Variants in SLC44A5 observed in about 807,000 individuals in gnomAD.
SLC44A5 encodes solute carrier family 44 member 5.
Under a neutral mutation model 101.8 loss-of-function variants are expected in SLC44A5, and 57 were observed. That is an observed-to-expected ratio of 0.56 (90% CI 0.45 to 0.70). SLC44A5 has a LOEUF of 0.70. SLC44A5 is among the 30% of genes least tolerant of loss of function. The pLI is 0.00. For missense variants in SLC44A5, 737 were observed against 853.1 expected (o/e 0.86, Z 1.70); for synonymous variants, 281 against 290.9 (o/e 0.97, Z 0.35).
chr1:75,248,463 G>A (rs1409988892), intron 7 of SLC44A5, among the ~76,000 whole-genome samples: 4 of 152,102 alleles, frequency 2.6e-5, no homozygotes, highest in African/African-American at 9.7e-5. Flanking sequence ...AGGGAAGGCA[G>A]AATGAGTATA....
intron 5 of SLC44A5, among the ~76,000 whole-genome samples, chr1:75,281,636 G>GCCCCC (rs71081324): frequency 3.2e-4 from 16 of 49,474 alleles, no homozygotes; most frequent in Non-Finnish European, 5.3e-4. Flanking sequence ...CTGGTGCCAG[G>GCCCCC]CCCCCCCCCC....
chr1:75,613,998 AT>A (rs1329401636), upstream of SLC44A5, among the ~76,000 whole-genome samples: 4 of 152,036 alleles, frequency 2.6e-5, no homozygotes, highest in Non-Finnish European at 5.9e-5. Flanking sequence ...AAACTGTAAA[AT>A]TTTTTCCACT....
intron 2 of SLC44A5, among the ~76,000 whole-genome samples, chr1:75,414,282 TATACATACATACATAC>T (rs10567313): frequency 6.2e-4 from 92 of 148,640 alleles, no homozygotes; most frequent in African/African-American, 2.2e-3. Context: ...TATACACATA[TATACATACATACATAC>T]ATACATACAT....
In SLC44A5 at chr1:75,478,047, G is replaced by A. The variant is rs986370001; in HGVS notation, c.13+63388C>T. Among the ~76,000 whole-genome samples, 5 of 152,134 alleles carry A rather than the reference G, an allele frequency of 3.3e-5. No homozygotes were observed. The South Asian group carries it at 6.2e-4, about 19-fold the overall frequency. On this transcript the variant is annotated intron_variant, in intron 2 of 23. Coordinates refer to ENST00000370859, the MANE Select transcript of SLC44A5 (RefSeq NM_001130058.2). ...AAGGGAAGCCCATCAGACTAACAGC[G>A]GATCTCCCGGCAGAAACTCTACAAG...
chr1:75,520,097 GCTGT>G (rs1670037439), intron 2 of SLC44A5, among the ~76,000 whole-genome samples: 2 of 152,328 alleles, frequency 1.3e-5, no homozygotes, highest in Admixed American at 1.3e-4. Flanking sequence ...TTAAGCAAAG[GCTGT>G]CTTTGTTTTT....
chr1:75,641,281 TAAGA>T, the SLC44A5 span: 8 of 603,470 alleles, frequency 1.3e-5, no homozygotes, highest in Non-Finnish European at 2.4e-5. Flanking sequence ...ACACTTTTGT[TAAGA>T]AAGAGTCCAT....
At chr1:75,580,275 T>TA (rs1205584769) in intron 1 of SLC44A5, among the ~76,000 whole-genome samples, 1 of 152,120 alleles carries the variant, frequency 6.6e-6, no homozygotes, top group Non-Finnish European at 1.5e-5. Flanking sequence ...TTGTAGGATT[T>TA]ACGAACTTAG....
chr1:75,662,317 G>T, the SLC44A5 span, among the ~76,000 whole-genome samples: 1 of 152,090 alleles, frequency 6.6e-6, no homozygotes, highest in Non-Finnish European at 1.5e-5. Flanking sequence ...CACAGAGGCA[G>T]TGAATAGAAT....
chr1:75,654,139 A>T, the SLC44A5 span, among the ~76,000 whole-genome samples: 1 of 152,172 alleles, frequency 6.6e-6, no homozygotes, highest in Non-Finnish European at 1.5e-5. Flanking sequence ...TAATTGTTAC[A>T]ATAAAAATAT....
At chr1:75,285,880 G>C (rs1034884955) in intron 5 of SLC44A5, among the ~76,000 whole-genome samples, 3 of 151,976 alleles carry the variant, frequency 2.0e-5, no homozygotes, top group African/African-American at 7.2e-5. Flanking sequence ...GACTTGTTTT[G>C]TGGCCTATCG....
At chr1:75,274,665 A>T (rs1651770552) in intron 6 of SLC44A5, among the ~76,000 whole-genome samples, 1 of 152,172 alleles carries the variant, frequency 6.6e-6, no homozygotes, top group South Asian at 2.1e-4. Flanking sequence ...AAGGCATTTT[A>T]AAATATAGCT....
At chr1:75,222,485 G>C in intron 13 of SLC44A5, 25 bp from the exon 14 acceptor site, 3 of 1,426,834 alleles carry the variant, frequency 2.1e-6, no homozygotes, top group African/African-American at 1.4e-5. Context: ...AAAAAAATCA[G>C]TCTGTAATAC....
At chr1:75,262,361 A>G (rs1174678482) in intron 6 of SLC44A5, among the ~76,000 whole-genome samples, 2 of 152,220 alleles carry the variant, frequency 1.3e-5, no homozygotes, top group Non-Finnish European at 1.5e-5. Context: ...GAGCAAAACT[A>G]TCAGTGAACT....
rs1295043637 is a variant in SLC44A5 at position 75,234,132 on chromosome 1, G to C, written c.741-34C>G. On this transcript the variant is annotated intron_variant, in intron 11 of 23. Coordinates refer to ENST00000370859, the MANE Select transcript of SLC44A5 (RefSeq NM_001130058.2). ...AACCCACAACAAACACAGTGGTCAA[G>C]TGTGCTAAACACAGCATATTACAAA... 12 of 1,487,584 alleles carry C rather than the reference G, an allele frequency of 8.1e-6. No individual in the cohort carries two copies. The Admixed American group carries it at 2.0e-4, about 25-fold the overall frequency. The allele number at this position is 1,487,584 out of a possible 1,614,324, so 92.1% of individuals were successfully genotyped here.
chr1:75,389,008 T>C (rs1386527234), intron 3 of SLC44A5, among the ~76,000 whole-genome samples: 2 of 150,674 alleles, frequency 1.3e-5, no homozygotes, highest in Non-Finnish European at 3.0e-5. Context: ...AAACAGGAAA[T>C]GAAAAAGAGC....
At chr1:75,603,421 G>T (rs1317227091) in intron 1 of SLC44A5, among the ~76,000 whole-genome samples, 1 of 147,524 alleles carries the variant, frequency 6.8e-6, no homozygotes, top group South Asian at 2.1e-4. Context: ...CTTTGCTATT[G>T]TGAATAGTGC....
chr1:75,376,106 C>A (rs1244334064), intron 3 of SLC44A5, among the ~76,000 whole-genome samples: 1 of 152,250 alleles, frequency 6.6e-6, no homozygotes, highest in African/African-American at 2.4e-5. Context: ...GTCACTCCCA[C>A]CCAAATACTG....
At chr1:75,572,716 T>A (rs1673137145) in intron 1 of SLC44A5, among the ~76,000 whole-genome samples, 1 of 152,140 alleles carries the variant, frequency 6.6e-6, no homozygotes, top group Non-Finnish European at 1.5e-5. Context: ...ATTATATTTT[T>A]GAAGTACCAA....
chr1:75,698,279 G>T, the SLC44A5 span, among the ~76,000 whole-genome samples: 6,709 of 152,238 alleles, frequency 0.044, 203 homozygotes, highest in African/African-American at 0.092. Context: ...GAGAGCAGTG[G>T]TTCTCCCAGT....
Sources: allele counts gnomAD v4.1 joint callset (sites outside exome capture counted in the v4.1 genomes callset), GRCh38; gene constraint gnomAD v4.1.1; transcripts MANE v1.5; gene names NCBI Gene and HGNC (gene_info 2026-07-23, HGNC 2026-07-21).